Variants in ZNF287 observed in about 807,000 individuals in gnomAD.
The protein encoded by ZNF287 is zinc finger protein with KRAB and SCAN domains 13.
Under a neutral mutation model 73.7 loss-of-function variants are expected in ZNF287, and 31 were observed. That is an observed-to-expected ratio of 0.42 (90% CI 0.32 to 0.57). ZNF287 has a LOEUF of 0.57. Among genes scored for constraint, ZNF287 ranks in the 20% least tolerant of loss-of-function variants. The pLI is 0.13. For missense variants in ZNF287, 641 were observed against 909.3 expected (o/e 0.70, Z 3.79); for synonymous variants, 301 against 307.2 (o/e 0.98, Z 0.21).
At position 16,548,393 on chromosome 17, in the gene ZNF287, TA is replaced by T. The variant is rs1262667115; in HGVS notation, c.*3462del. ...AACAACCCAATCAAGCCTTTTGCCC[TA>T]ACTTCTAATTTATGGAAACTACAGG... On this transcript the variant is annotated 3_prime_UTR_variant, in exon 6 of 6. Coordinates refer to ENST00000395825, the MANE Select transcript of ZNF287 (RefSeq NM_020653.4). Among the ~76,000 whole-genome samples the T allele has an allele frequency of 2.0e-5, 3 of 152,328 alleles. No individual in the cohort carries two copies. The East Asian group carries it at 5.8e-4, about 29-fold the overall frequency.
At chr17:16,559,603 A>ACACT (rs1201357824) in intron 5 of ZNF287, among the ~76,000 whole-genome samples, 1 of 151,760 alleles carries the variant, frequency 6.6e-6, no homozygotes, top group African/African-American at 2.4e-5. Flanking sequence ...ACACACACAC[A>ACACT]CTTCCTAGCT....
chr17:16,565,126 A>G (rs1050321594), intron 3 of ZNF287, among the ~76,000 whole-genome samples: 1 of 151,722 alleles, frequency 6.6e-6, no homozygotes, highest in African/African-American at 2.4e-5. Context: ...AAGCCAAGGC[A>G]GGAGGATCAC....
rs772789431 is a variant in ZNF287 at position 16,551,855 on chromosome 17, A to G, written c.*1T>C. 5 of 1,568,840 alleles carry G rather than the reference A, an allele frequency of 3.2e-6. No individual in the cohort carries two copies. The highest frequency in any genetic ancestry group is 4.3e-6 in the Non-Finnish European group (5 of 1,157,868). On this transcript the variant is annotated 3_prime_UTR_variant, in exon 6 of 6. Coordinates refer to ENST00000395825, the MANE Select transcript of ZNF287 (RefSeq NM_020653.4). ...AACCGAATTGAAGTTTCCCTTATCC[A>G]TTAATTACGATGTTTGGCACCTGTA...
At chr17:16,567,231 G>C (rs565237086) in intron 2 of ZNF287, 98 bp downstream of exon 2, 2 of 1,478,038 alleles carry the variant, frequency 1.4e-6, no homozygotes, top group Non-Finnish European at 1.8e-6. Flanking sequence ...GGACCTCTCA[G>C]TGCTCTCCCT....
At chr17:16,561,193 A>G (rs1242732701) in intron 5 of ZNF287, among the ~76,000 whole-genome samples, 2 of 151,916 alleles carry the variant, frequency 1.3e-5, no homozygotes, top group Non-Finnish European at 2.9e-5. Context: ...ACATGCCTCT[A>G]ATCCCAGCTA....
In ZNF287 at chr17:16,552,274, C is replaced by T. The variant is rs766489245; in HGVS notation, c.1868G>A (p.Ser623Asn). Residue 623 changes from serine (S) to asparagine (N), a missense_variant, in exon 6 of 6, where the codon AGT (serine) becomes AAT (asparagine). By Grantham distance (46) the Ser-to-Asn change is conservative. Transcript: ENST00000395825. The surrounding 1 kb of genome is among the most constrained non-coding windows in gnomAD (Gnocchi z 6.5). Reference sequence around the variant, plus strand: ...CTGGCTGAATGCTTTCCCACACACACTGCATTTATATGGTTTCTCTCCAGT... The same window carrying T: ...CTGGCTGAATGCTTTCCCACACACATTGCATTTATATGGTTTCTCTCCAGT... ...THTGEKPYKC[S>N]VCGKAFSQSV... 6.2e-7 allele frequency: 1 copy of T among 1,613,664 alleles called. No homozygotes were observed. The highest frequency in any genetic ancestry group is 1.1e-5 in the South Asian group (1 of 91,058).
At chr17:16,556,650 T>C (rs1258702628) in intron 5 of ZNF287, among the ~76,000 whole-genome samples, 1 of 152,162 alleles carries the variant, frequency 6.6e-6, no homozygotes, top group Non-Finnish European at 1.5e-5. Flanking sequence ...AAAATGAGAA[T>C]GTGGATGGAC....
rs1358174277 is a variant in ZNF287 at position 16,550,573 on chromosome 17, C to A, written c.*1283G>T. On this transcript the variant is annotated 3_prime_UTR_variant, in exon 6 of 6. Transcript: ENST00000395825. Reference sequence around the variant, plus strand: ...TGGGATATAGGTAGCATTTGGCAACCCATTTTAGCAGGTTGCTTATGCTCA... The same window carrying A: ...TGGGATATAGGTAGCATTTGGCAACACATTTTAGCAGGTTGCTTATGCTCA... 1.3e-5 allele frequency among the ~76,000 whole-genome samples: 2 copies of A among 152,154 alleles called. No homozygotes were observed. The highest frequency in any genetic ancestry group is 4.8e-5 in the African/African-American group (2 of 41,444).
chr17:16,564,634 CT>C (rs1406754681), intron 3 of ZNF287, among the ~76,000 whole-genome samples: 1 of 152,166 alleles, frequency 6.6e-6, no homozygotes, highest in Non-Finnish European at 1.5e-5. Context: ...TAAATTCAGT[CT>C]TTCTTTTTAA....
intron 3 of ZNF287, among the ~76,000 whole-genome samples, chr17:16,564,523 A>G (rs907733639): frequency 6.6e-6 from 1 of 152,224 alleles, no homozygotes; most frequent in Admixed American, 6.5e-5. Flanking sequence ...TTTTAAACAC[A>G]GATGACACAG....
In ZNF287 at chr17:16,550,264, TGAA is replaced by T. The variant is rs1228723260; in HGVS notation, c.*1589_*1591del. On this transcript the variant is annotated 3_prime_UTR_variant, in exon 6 of 6. Transcript: ENST00000395825. ...GTAATCTCTGTTTTACTTGTATGTA[TGAA>T]GGAGTGTCAGGCTTCCAATTATTCT... Among the ~76,000 whole-genome samples the T allele has an allele frequency of 1.3e-5, 2 of 152,232 alleles. No individual in the cohort carries two copies. Among genetic ancestry groups the T allele is most frequent in the Non-Finnish European group, 2.9e-5 (2 of 68,034 alleles).
At chr17:16,554,565 T>TA (rs1204609663) in intron 5 of ZNF287, among the ~76,000 whole-genome samples, 1 of 152,182 alleles carries the variant, frequency 6.6e-6, no homozygotes, top group Non-Finnish European at 1.5e-5. Flanking sequence ...CTCCACCTAT[T>TA]AAAAAAGATG....
At position 16,567,291 on chromosome 17, in the gene ZNF287, C is replaced by T. The variant is rs184687170; in HGVS notation, c.403+38G>A. 2.5e-6 allele frequency: 4 copies of T among 1,574,772 alleles called. No individual in the cohort carries two copies. In the African/African-American group the frequency reaches 5.4e-5, roughly 21 times the overall value. ...ATGTGCTAGTTGTCTTCTTTAACCA[C>T]CCAGGGATTCCTCCCCTCTCTGCTC... On this transcript the variant is annotated intron_variant, in intron 2 of 5. Coordinates refer to ENST00000395825, the MANE Select transcript of ZNF287 (RefSeq NM_020653.4).
chr17:16,564,838 C>T (rs1407032479), intron 3 of ZNF287, among the ~76,000 whole-genome samples: 3 of 151,776 alleles, frequency 2.0e-5, no homozygotes, highest in Non-Finnish European at 2.9e-5. Flanking sequence ...AGTGCAGTGG[C>T]CTCCTGAGTA....
At chr17:16,567,014 G>A (rs1297592194) in intron 2 of ZNF287, among the ~76,000 whole-genome samples, 1 of 152,086 alleles carries the variant, frequency 6.6e-6, no homozygotes, top group Non-Finnish European at 1.5e-5. Context: ...ACCTCTGAAG[G>A]TACTTTCTGA....
Position 16,569,105 on chromosome 17 carries a change from G to A in ZNF287, c.-352C>T, listed in dbSNP as rs951155623. On this transcript the variant is annotated 5_prime_UTR_variant, in exon 1 of 6. Transcript: ENST00000395825. ...ACTTCCCTTCCCCGCAAAGCACAGAGTGTCCCGGCCAGGAGCTGCACGTTC... is the reference window on the plus strand; with the variant it reads ...ACTTCCCTTCCCCGCAAAGCACAGAATGTCCCGGCCAGGAGCTGCACGTTC... 1 of 152,512 alleles carries A rather than the reference G, an allele frequency of 6.6e-6. No homozygotes were observed. The highest frequency in any genetic ancestry group is 2.4e-5 in the African/African-American group (1 of 41,478). The allele number at this position is 152,512 out of a possible 1,614,324, so 9.4% of individuals were successfully genotyped here.
rs1907583450 is a variant in ZNF287 at position 16,563,752 on chromosome 17, T to C, written c.575A>G (p.Lys192Arg). 14 of 1,614,076 alleles carry C rather than the reference T, an allele frequency of 8.7e-6. No individual in the cohort carries two copies. The highest frequency in any genetic ancestry group is 1.2e-5 in the Non-Finnish European group (14 of 1,179,930). Residue 192 changes from lysine (K) to arginine (R), a missense_variant, in exon 4 of 6, where the codon AAG (lysine) becomes AGG (arginine). Around this residue, in one of 2 missense-constraint regions of ZNF287, gnomAD observed 357 missense variants for 442.4 expected, o/e 0.81. Transcript: ENST00000395825. Reference sequence around the variant, plus strand: ...TAACGTCACAGTCTTGTATAATTCCTTCTGCACAGGACGCATTAACTCCCA... The same window carrying C: ...TAACGTCACAGTCTTGTATAATTCCCTCTGCACAGGACGCATTAACTCCCA... ...EDWELMRPVQKELYKTVTLQN... is the reference protein window; with the variant it reads ...EDWELMRPVQRELYKTVTLQN...
Position 16,551,766 on chromosome 17 carries a change from T to A in ZNF287, c.*90A>T, listed in dbSNP as rs1947897215. The A allele has an allele frequency of 2.1e-6, 3 of 1,422,190 alleles. No individual in the cohort carries two copies. In the Admixed American group the frequency reaches 6.8e-5, roughly 32 times the overall value. 88.1% of individuals were successfully genotyped at this position (1,422,190 alleles called of 1,614,324 possible). ...TGAGTATCTAACATATTGCACTTCT[T>A]CAGACTTCTTCTGAATGTTCTGACA... On this transcript the variant is annotated 3_prime_UTR_variant, in exon 6 of 6. Transcript: ENST00000395825.
chr17:16,566,447 T>A, intron 3 of ZNF287, 78 bp downstream of exon 3: 1 of 1,175,806 alleles, frequency 8.5e-7, no homozygotes, highest in South Asian at 1.4e-5. Context: ...GGGGGCACAG[T>A]AGTTATAGGG....
Sources: gnomAD v4.1 joint callset for allele counts (sites outside exome capture counted in the v4.1 genomes callset) on GRCh38, gnomAD v4.1.1 for gene constraint, gnomAD v4.1.1 regional missense constraint, Gnocchi (gnomAD v3.1) non-coding constraint, MANE v1.5 for transcripts, NCBI Gene and HGNC (gene_info 2026-07-23, HGNC 2026-07-21) for gene names.